SUMF1: variants seen among roughly 807,000 people sequenced by gnomAD.
SUMF1 encodes the protein formylglycine-generating enzyme.
SUMF1 carries 48 observed loss-of-function variants against 47.6 expected under a neutral mutation model. The ratio of observed to expected loss-of-function variants is 1.01; its 90% CI spans 0.80 to 1.28. The LOEUF (loss-of-function observed/expected upper bound fraction) is 1.28. Among genes scored for constraint, SUMF1 ranks in the 50% most tolerant of loss-of-function variants. SUMF1 has a pLI of 0.00. For synonymous variants in SUMF1, 230 were observed against 192.1 expected (o/e 1.20, Z -1.63); for missense variants, 571 against 485.4 (o/e 1.18, Z -1.66).
chr3:4,085,819 C>A (rs1208660028), intron 8 of SUMF1, among the ~76,000 whole-genome samples: 1 of 151,956 alleles, frequency 6.6e-6, no homozygotes, highest in African/African-American at 2.4e-5. Context: ...ATATTGCTTT[C>A]TTGACATTAT....
intron 8 of SUMF1, among the ~76,000 whole-genome samples, chr3:4,370,089 A>G (rs186384070): frequency 1.5e-3 from 225 of 152,334 alleles, no homozygotes; most frequent in African/African-American, 5.1e-3. Context: ...CTCTGCAGGA[A>G]GGAAAATAGG....
At chr3:4,406,493 T>C (rs1701380759) in intron 7 of SUMF1, among the ~76,000 whole-genome samples, 1 of 151,876 alleles carries the variant, frequency 6.6e-6, no homozygotes. Flanking sequence ...CCGTCTCTAC[T>C]AAAAATACAA....
At chr3:4,061,912 AC>A (rs1695282385) in intron 9 of SUMF1, among the ~76,000 whole-genome samples, 1 of 152,074 alleles carries the variant, frequency 6.6e-6, no homozygotes, top group South Asian at 2.1e-4. Context: ...ACTTAAATTA[AC>A]AACGGGTAAT....
intron 8 of SUMF1, among the ~76,000 whole-genome samples, chr3:4,109,508 C>A (rs528022786): frequency 6.6e-6 from 1 of 152,256 alleles, no homozygotes; most frequent in Non-Finnish European, 1.5e-5. Flanking sequence ...TGGATAATAA[C>A]CTGCAGAGTG....
intron 8 of SUMF1, among the ~76,000 whole-genome samples, chr3:4,076,560 C>A (rs1433506684): frequency 6.6e-6 from 1 of 152,036 alleles, no homozygotes; most frequent in African/African-American, 2.4e-5. Flanking sequence ...AACAGGCAAC[C>A]TACACAATGG....
chr3:4,194,987 A>G (rs1695397398), intron 8 of SUMF1, among the ~76,000 whole-genome samples: 1 of 152,150 alleles, frequency 6.6e-6, no homozygotes, highest in South Asian at 2.1e-4. Context: ...TAGGTTTTGA[A>G]GTCACTTATT....
chr3:4,126,733 A>G (rs2125082760), intron 8 of SUMF1, among the ~76,000 whole-genome samples: 1 of 152,290 alleles, frequency 6.6e-6, no homozygotes, highest in East Asian at 1.9e-4. Context: ...TAAACCTATA[A>G]TATAAGGAAA....
At chr3:4,184,470 G>GA (rs1695159946) in intron 8 of SUMF1, among the ~76,000 whole-genome samples, 1 of 151,220 alleles carries the variant, frequency 6.6e-6, no homozygotes, top group African/African-American at 2.4e-5. Context: ...AGAAAAAAAA[G>GA]AAAAAAAGAA....
Position 4,135,359 on chromosome 3 carries a change from T to C in SUMF1, c.1015-66614A>G, listed in dbSNP as rs1003716763. Among the ~76,000 whole-genome samples the C allele has an allele frequency of 1.3e-3, 202 of 151,930 alleles. 2 individuals are homozygous for C. The highest frequency in any genetic ancestry group is 0.012 in the Admixed American group (186 of 15,226). On this transcript the variant is annotated intron_variant and NMD_transcript_variant, in intron 8 of 12. Coordinates refer to the SUMF1 transcript ENST00000448413. ...AATGTAATCCAGCATATAAACAGAA[T>C]AAAAGACAAAAACCACATGATTATC...
chr3:4,366,681 G>A (rs1290342175), intron 8 of SUMF1, among the ~76,000 whole-genome samples: 1 of 152,192 alleles, frequency 6.6e-6, no homozygotes, highest in Admixed American at 6.5e-5. Context: ...GTAGCTCGGA[G>A]TAGTTCAATC....
chr3:4,336,910 C>A (rs914200944), intron 8 of SUMF1, among the ~76,000 whole-genome samples: 1 of 152,198 alleles, frequency 6.6e-6, no homozygotes, highest in Non-Finnish European at 1.5e-5. Context: ...ACTTTGCTAA[C>A]TTTTCTTAGT....
At chr3:4,352,785 C>G (rs896452036) in intron 8 of SUMF1, among the ~76,000 whole-genome samples, 3 of 149,496 alleles carry the variant, frequency 2.0e-5, no homozygotes, top group Admixed American at 2.0e-4. Context: ...GGCCATCTGT[C>G]TGTGAAGGGG....
At chr3:4,039,311 C>T (rs1258347942) in intron 9 of SUMF1, among the ~76,000 whole-genome samples, 12 of 107,016 alleles carry the variant, frequency 1.1e-4, no homozygotes, top group East Asian at 2.9e-4. Flanking sequence ...CATGCTGGTG[C>T]GCTGCACCCA....
chr3:4,124,595 A>G lies in SUMF1; in HGVS notation c.1015-55850T>C, dbSNP rs574524740. On this transcript the variant is annotated intron_variant and NMD_transcript_variant, in intron 8 of 12. Coordinates refer to the SUMF1 transcript ENST00000448413. ...CATATATATTTTAATTGAATGAAGGAAAAAAAAAAAGAGGAAATCAACTCT... is the reference window on the plus strand; with the variant it reads ...CATATATATTTTAATTGAATGAAGGGAAAAAAAAAAGAGGAAATCAACTCT... 7.9e-5 allele frequency among the ~76,000 whole-genome samples: 11 copies of G among 138,856 alleles called. No individual in the cohort carries two copies. The South Asian group carries it at 1.5e-3, about 19-fold the overall frequency. The allele number at this position is 138,856 out of a possible 152,430, so 91.1% of individuals were successfully genotyped here. A position where few individuals can be genotyped will look rare whatever the true frequency, so the allele number is the denominator to read the frequency against.
chr3:4,366,515 T>A (rs1229946339), intron 8 of SUMF1, among the ~76,000 whole-genome samples: 1 of 150,640 alleles, frequency 6.6e-6, no homozygotes, highest in Non-Finnish European at 1.5e-5. Context: ...CATCGACTCC[T>A]GAGGCTTTTG....
chr3:4,040,284 A>G (rs1328503668), intron 9 of SUMF1, among the ~76,000 whole-genome samples: 4 of 152,150 alleles, frequency 2.6e-5, no homozygotes, highest in African/African-American at 4.8e-5. Context: ...CAGAATGGGG[A>G]AAAGTTCTTC....
intron 8 of SUMF1, among the ~76,000 whole-genome samples, chr3:4,126,491 G>A (rs1027135805): frequency 6.6e-6 from 1 of 151,926 alleles, no homozygotes; most frequent in South Asian, 2.1e-4. Context: ...TTAGCCTCTA[G>A]ACCATCTACT....
chr3:4,132,468 C>T (rs766968396), intron 8 of SUMF1, among the ~76,000 whole-genome samples: 3 of 152,086 alleles, frequency 2.0e-5, no homozygotes, highest in Non-Finnish European at 4.4e-5. Context: ...TGCTCTGAAT[C>T]ACCATCCAAT....
rs138676584 is a variant in SUMF1, at chr3:4,049,522, A to G, written c.1191+19047T>C. Among the ~76,000 whole-genome samples, 1,170 of 152,066 alleles carry G rather than the reference A, an allele frequency of 7.7e-3. 18 individuals carry two copies. Among genetic ancestry groups the G allele is most frequent in the African/African-American group, 0.026 (1,069 of 41,484 alleles). On this transcript the variant is annotated intron_variant and NMD_transcript_variant, in intron 9 of 12. Transcript: ENST00000448413. ...TTGCTGAACGTGAGACAGGGATGTG[A>G]CTCATCTGTTCAGTAACCACTGCTC...
Sources: allele counts gnomAD v4.1 joint callset (sites outside exome capture counted in the v4.1 genomes callset), GRCh38; gene constraint gnomAD v4.1.1; transcripts MANE v1.5; gene names NCBI Gene and HGNC (gene_info 2026-07-23, HGNC 2026-07-21).